FAM117A: variants seen among roughly 807,000 people sequenced by gnomAD.
FAM117A encodes the protein protein FAM117A.
A neutral mutation model predicts 44.1 loss-of-function variants in FAM117A; 21 were observed. The observed-to-expected ratio is 0.48, with a 90% CI of 0.34 to 0.69. The LOEUF is 0.69. Ranked by LOEUF, FAM117A falls within the 30% of genes least tolerant of loss-of-function variation. The pLI is 0.01. For missense variants in FAM117A, 498 were observed against 589.9 expected (o/e 0.84, Z 1.61); for synonymous variants, 220 against 238.3 (o/e 0.92, Z 0.71).
chr17:49,757,231 C>T (rs937260798), intron 1 of FAM117A, among the ~76,000 whole-genome samples: 1 of 152,130 alleles, frequency 6.6e-6, no homozygotes, highest in African/African-American at 2.4e-5. Flanking sequence ...TGAGCAAATC[C>T]ACAAACCTGT....
At chr17:49,750,632 C>A (rs754550325) in intron 1 of FAM117A, among the ~76,000 whole-genome samples, 1 of 151,974 alleles carries the variant, frequency 6.6e-6, no homozygotes, top group Non-Finnish European at 1.5e-5. Flanking sequence ...CAAAAATTAG[C>A]CCGGCATGGT....
intron 1 of FAM117A, among the ~76,000 whole-genome samples, chr17:49,739,109 G>A (rs1263605605): frequency 2.0e-5 from 3 of 152,162 alleles, no homozygotes; most frequent in Non-Finnish European, 2.9e-5. Context: ...CACTGGGCTG[G>A]CTCTCCCTCT....
At position 49,722,491 on chromosome 17, in the gene FAM117A, G is replaced by A. The variant is rs935525250; in HGVS notation, c.462+8C>T. The A allele has an allele frequency of 6.2e-7, 1 of 1,612,680 alleles. No homozygotes were observed. The highest frequency in any genetic ancestry group is 8.5e-7 in the Non-Finnish European group (1 of 1,179,216). ...TACCCTAGGCAGGGAGTCAAAGTGG[G>A]TAGCTACCTCTTTTCGGTGGTCTGT... is the stretch of plus-strand genomic sequence containing the variant. On this transcript the variant is annotated splice_region_variant and intron_variant, in intron 3 of 7. Transcript: ENST00000240364.
At chr17:49,788,622 A>G, upstream of FAM117A, 1 of 492,066 alleles carries the variant, frequency 2.0e-6, no homozygotes, top group Non-Finnish European at 3.6e-6. Context: ...CCGTAACGTC[A>G]GGTGACGCGA....
chr17:49,742,228 G>A (rs2073637400), intron 1 of FAM117A, among the ~76,000 whole-genome samples: 1 of 152,168 alleles, frequency 6.6e-6, no homozygotes, highest in Non-Finnish European at 1.5e-5. Context: ...CAGCTTAAGT[G>A]AGAGCCACTG....
intron 1 of FAM117A, among the ~76,000 whole-genome samples, chr17:49,785,100 C>T (rs935263467): frequency 1.3e-5 from 2 of 152,214 alleles, no homozygotes. Context: ...GCAATTACTC[C>T]ATGTCAGGAA....
At chr17:49,733,865 G>A (rs1241486118) in intron 1 of FAM117A, among the ~76,000 whole-genome samples, 1 of 152,076 alleles carries the variant, frequency 6.6e-6, no homozygotes, top group Non-Finnish European at 1.5e-5. Context: ...ATCTATGGCT[G>A]GGCGTGGTGG....
chr17:49,716,215 T>C lies in FAM117A; in HGVS notation c.1011A>G (p.Lys337=). Reference sequence around the variant, plus strand: ...TCTCACAGCCTTCTGGGGGCTCCCGTTTGAAGATGTAGCTATGATTAGGTC... The same window carrying C: ...TCTCACAGCCTTCTGGGGGCTCCCGCTTGAAGATGTAGCTATGATTAGGTC... ...SPRPNHSYIF[K]REPPEGCEKV... The change falls in exon 7 of 8, where the codon AAA becomes AAG. Residue 337 remains lysine, a synonymous_variant. Coordinates refer to ENST00000240364, the MANE Select transcript of FAM117A (RefSeq NM_030802.4). 1.2e-6 allele frequency: 2 copies of C among 1,610,060 alleles called. No individual in the cohort carries two copies. The highest frequency in any genetic ancestry group is 1.7e-6 in the Non-Finnish European group (2 of 1,177,676).
At chr17:49,778,828 C>A (rs2073781900) in intron 1 of FAM117A, among the ~76,000 whole-genome samples, 1 of 152,104 alleles carries the variant, frequency 6.6e-6, no homozygotes, top group Non-Finnish European at 1.5e-5. Context: ...AGTAAAGAAT[C>A]CAAATAACAC....
intron 7 of FAM117A, among the ~76,000 whole-genome samples, chr17:49,714,020 G>A (rs2073490320): frequency 6.6e-6 from 1 of 152,086 alleles, no homozygotes; most frequent in Admixed American, 6.5e-5. Flanking sequence ...ATTTACGGAG[G>A]GATGGGGAAT....
chr17:49,769,945 G>A (rs761047825), intron 1 of FAM117A, among the ~76,000 whole-genome samples: 1 of 151,860 alleles, frequency 6.6e-6, no homozygotes, highest in South Asian at 2.1e-4. Context: ...TCTGGATCCC[G>A]TTCAGTGCTG....
At chr17:49,724,476 T>A (rs186294556) in intron 2 of FAM117A, 1 of 456,282 alleles carries the variant, frequency 2.2e-6, no homozygotes, top group Non-Finnish European at 4.4e-6. Context: ...ACTCTTCAAG[T>A]ACCTCTTTCT....
intron 2 of FAM117A, among the ~76,000 whole-genome samples, chr17:49,731,526 G>A (rs541776251): frequency 1.1e-4 from 17 of 152,320 alleles, no homozygotes; most frequent in African/African-American, 4.1e-4. Context: ...TTCCGAGCTT[G>A]GGATTCTTAA....
rs1369093987 is a variant in FAM117A, at chr17:49,710,465, T to A, written c.*790A>T. On this transcript the variant is annotated 3_prime_UTR_variant, in exon 8 of 8. Coordinates refer to ENST00000240364, the MANE Select transcript of FAM117A (RefSeq NM_030802.4). ...TGTAAGCTCTGCAGTACGGAAAATA[T>A]ACAAACTTCAAACAGCTGCAAAAAT... The A allele has an allele frequency of 1.3e-5, 2 of 152,764 alleles. No individual in the cohort carries two copies. The highest frequency in any genetic ancestry group is 3.9e-4 in the East Asian group (2 of 5,188). The allele number at this position is 152,764 out of a possible 1,614,324, so 9.5% of individuals were successfully genotyped here.
upstream of FAM117A, chr17:49,788,731 G>A (rs1282410116): frequency 3.0e-6 from 4 of 1,318,046 alleles, no homozygotes; most frequent in African/African-American, 6.0e-5. Flanking sequence ...ATCGTCCGCA[G>A]GATTGGGACT....
At chr17:49,721,074 C>T (rs2073532036) in intron 3 of FAM117A, among the ~76,000 whole-genome samples, 1 of 152,160 alleles carries the variant, frequency 6.6e-6, no homozygotes, top group East Asian at 1.9e-4. Flanking sequence ...ATTCAGAGTA[C>T]ATTCACAACG....
At chr17:49,778,710 C>T (rs755914910) in intron 1 of FAM117A, among the ~76,000 whole-genome samples, 1 of 152,214 alleles carries the variant, frequency 6.6e-6, no homozygotes, top group Non-Finnish European at 1.5e-5. Flanking sequence ...TTATTGAATG[C>T]CTACTAAGTG....
intron 1 of FAM117A, among the ~76,000 whole-genome samples, chr17:49,735,321 C>T (rs774173279): frequency 4.6e-5 from 7 of 151,734 alleles, no homozygotes; most frequent in African/African-American, 7.3e-5. Context: ...ACCCGGGAAG[C>T]GGAGGCTGCA....
At chr17:49,774,485 G>A (rs942872546) in intron 1 of FAM117A, among the ~76,000 whole-genome samples, 2 of 151,412 alleles carry the variant, frequency 1.3e-5, no homozygotes, top group Non-Finnish European at 2.9e-5. Context: ...TCAGCCTCCC[G>A]AGTAGCTGGG....
Sources: allele counts gnomAD v4.1 joint callset (sites outside exome capture counted in the v4.1 genomes callset), GRCh38; gene constraint gnomAD v4.1.1; transcripts MANE v1.5; gene names NCBI Gene and HGNC (gene_info 2026-07-23, HGNC 2026-07-21).